Variants in NDUFAF6 observed in about 807,000 individuals in gnomAD.
NDUFAF6 encodes the protein NADH dehydrogenase (ubiquinone) complex I, assembly factor 6.
NDUFAF6 carries 45 observed loss-of-function variants against 40.8 expected under a neutral mutation model. The observed-to-expected ratio is 1.10, with a 90% CI of 0.87 to 1.42. The LOEUF is 1.42. Among genes scored for constraint, NDUFAF6 ranks in the 40% most tolerant of loss-of-function variants. NDUFAF6 has a pLI of 0.00. For missense variants in NDUFAF6, 435 were observed against 418.5 expected (o/e 1.04, Z -0.34); for synonymous variants, 185 against 155.9 (o/e 1.19, Z -1.39).
At chr8:94,981,321 G>C (rs978209393) in intron 2 of NDUFAF6, among the ~76,000 whole-genome samples, 2 of 152,182 alleles carry the variant, frequency 1.3e-5, no homozygotes, top group African/African-American at 2.4e-5. Flanking sequence ...ACCAGATGCA[G>C]CTGCCTGATC....
At chr8:95,066,089 A>G (rs985131291) in intron 9 of NDUFAF6, among the ~76,000 whole-genome samples, 2 of 151,984 alleles carry the variant, frequency 1.3e-5, no homozygotes, top group African/African-American at 4.8e-5. Context: ...TCTGTACTCA[A>G]TTTCTATATA....
At chr8:94,940,626 T>C (rs975768478) in intron 1 of NDUFAF6, among the ~76,000 whole-genome samples, 3 of 151,972 alleles carry the variant, frequency 2.0e-5, no homozygotes, top group African/African-American at 7.3e-5. Flanking sequence ...TCTGTGAGAG[T>C]TGCAAAACTA....
At chr8:94,955,339 A>G (rs1013272245), upstream of NDUFAF6, among the ~76,000 whole-genome samples, 2 of 152,246 alleles carry the variant, frequency 1.3e-5, no homozygotes, top group East Asian at 1.9e-4. Flanking sequence ...GTGCACACAC[A>G]TGAGAGGAAG....
intron 7 of NDUFAF6, among the ~76,000 whole-genome samples, chr8:95,049,252 A>G (rs1020895435): frequency 2.0e-5 from 3 of 152,000 alleles, no homozygotes; most frequent in African/African-American, 7.3e-5. Context: ...TCTCTGTGTC[A>G]CTTTCTGATT....
intron 1 of NDUFAF6, among the ~76,000 whole-genome samples, chr8:94,978,480 C>T (rs1385286602): frequency 6.6e-6 from 1 of 152,010 alleles, no homozygotes; most frequent in East Asian, 1.9e-4. Flanking sequence ...TTTTGGGAGG[C>T]CAAGGTGGGA....
intron 1 of NDUFAF6, among the ~76,000 whole-genome samples, chr8:94,967,081 G>GA (rs1487478735): frequency 6.6e-6 from 1 of 152,078 alleles, no homozygotes; most frequent in African/African-American, 2.4e-5. Flanking sequence ...GCAGAAGAAA[G>GA]AAAAAAAGGA....
intron 4 of NDUFAF6, among the ~76,000 whole-genome samples, chr8:95,113,996 G>A (rs28510400): frequency 0.031 from 4,447 of 144,840 alleles, 214 homozygotes; most frequent in African/African-American, 0.11. Context: ...TCACACTCTG[G>A]GGACTGTTGT....
chr8:94,952,076 T>C (rs1822671279), intron 2 of NDUFAF6, among the ~76,000 whole-genome samples: 1 of 152,242 alleles, frequency 6.6e-6, no homozygotes, highest in Admixed American at 6.5e-5. Context: ...GGTGACCCTT[T>C]CCCCATCTGT....
At chr8:94,907,214 G>A (rs532891534) in intron 1 of NDUFAF6, among the ~76,000 whole-genome samples, 2 of 152,162 alleles carry the variant, frequency 1.3e-5, no homozygotes, top group Non-Finnish European at 2.9e-5. Flanking sequence ...TAATCAAATG[G>A]CATCAACTCA....
intron 6 of NDUFAF6, 104 bp from the exon 7 acceptor site, chr8:95,048,351 CTT>C (rs1831045180): frequency 1.2e-6 from 1 of 805,836 alleles, no homozygotes; most frequent in South Asian, 1.4e-5. Flanking sequence ...CACGTGTTCT[CTT>C]GTGCTAAGTT....
downstream of NDUFAF6, among the ~76,000 whole-genome samples, chr8:95,106,885 G>A (rs574619814): frequency 1.6e-3 from 241 of 152,308 alleles, no homozygotes; most frequent in African/African-American, 5.8e-3. Flanking sequence ...ATGAAAAAAA[G>A]TTCATCAACA....
At chr8:94,934,665 C>CCACT (rs1455089488) in intron 1 of NDUFAF6, among the ~76,000 whole-genome samples, 1 of 152,140 alleles carries the variant, frequency 6.6e-6, no homozygotes, top group Admixed American at 6.6e-5. Flanking sequence ...CAGGTGTAAG[C>CCACT]CACTGCACCT....
chr8:95,016,125 C>T (rs1484458776), intron 2 of NDUFAF6, among the ~76,000 whole-genome samples: 1 of 150,646 alleles, frequency 6.6e-6, no homozygotes, highest in Non-Finnish European at 1.5e-5. Flanking sequence ...TAGCTTCTCC[C>T]CTCCGATTGT....
At chr8:95,000,278 A>G (rs143300148) in intron 2 of NDUFAF6, among the ~76,000 whole-genome samples, 1,536 of 152,304 alleles carry the variant, frequency 0.01, 26 homozygotes, top group African/African-American at 0.035. Context: ...CGGAGGTTGC[A>G]ATAACCCAAG....
intron 2 of NDUFAF6, among the ~76,000 whole-genome samples, chr8:94,981,270 G>A (rs143860191): frequency 7.8e-4 from 119 of 152,276 alleles, no homozygotes; most frequent in African/African-American, 2.7e-3. Flanking sequence ...TTGCTTGCCC[G>A]TCCACTTTTC....
intron 3 of NDUFAF6, among the ~76,000 whole-genome samples, chr8:95,038,513 G>GT (rs1484253889): frequency 6.6e-6 from 1 of 151,706 alleles, no homozygotes; most frequent in African/African-American, 2.4e-5. Context: ...CCTGGCTGAT[G>GT]TTTTTTTAAT....
intron 2 of NDUFAF6, among the ~76,000 whole-genome samples, chr8:94,999,575 C>G (rs527508116): frequency 6.6e-6 from 1 of 152,168 alleles, no homozygotes; most frequent in South Asian, 2.1e-4. Flanking sequence ...TGCCATCATA[C>G]CCGGCTAATT....
intron 1 of NDUFAF6, chr8:94,940,352 T>G: frequency 1.9e-6 from 2 of 1,029,508 alleles, no homozygotes. Flanking sequence ...GATGATACTA[T>G]TAGCTGATGC....
At chr8:94,975,296 T>G (rs1336213583) in intron 1 of NDUFAF6, 1 of 152,254 alleles carries the variant, frequency 6.6e-6, no homozygotes, top group Non-Finnish European at 1.5e-5. Flanking sequence ...TTAATCAGAT[T>G]TTATATTCCT....
Sources: gnomAD v4.1 joint callset for allele counts (sites outside exome capture counted in the v4.1 genomes callset) on GRCh38, gnomAD v4.1.1 for gene constraint, MANE v1.5 for transcripts, NCBI Gene and HGNC (gene_info 2026-07-23, HGNC 2026-07-21) for gene names.